The following RNF115 variants were observed in gnomAD, a reference collection of about 807,000 sequenced individuals.
RNF115 encodes the protein E3 ubiquitin-protein ligase RNF115.
Under a neutral mutation model 39.2 loss-of-function variants are expected in RNF115, and 31 were observed. The observed-to-expected ratio is 0.79, with a 90% CI of 0.59 to 1.07. RNF115 has a LOEUF of 1.07. Among genes scored for constraint, RNF115 ranks in the 50% least tolerant of loss-of-function variants. The probability of loss-of-function intolerance (pLI) is 0.00; values close to 1 mark genes in which losing one functional copy is unlikely to be tolerated. For synonymous variants in RNF115, 124 were observed against 131.0 expected (o/e 0.95, Z 0.37); for missense variants, 384 against 381.7 (o/e 1.01, Z -0.05).
chr1:145,789,591 T>C (rs1648563354), intron 1 of RNF115, among the ~76,000 whole-genome samples: 1 of 149,598 alleles, frequency 6.7e-6, no homozygotes, highest in Admixed American at 6.7e-5. Flanking sequence ...AGAGACGAGG[T>C]TTTTCCATGT....
At chr1:145,806,375 A>G (rs1369217524) in intron 1 of RNF115, among the ~76,000 whole-genome samples, 1 of 152,144 alleles carries the variant, frequency 6.6e-6, no homozygotes, top group East Asian at 1.9e-4. Flanking sequence ...AAATAAATAA[A>G]TAAATATTAA....
intron 1 of RNF115, among the ~76,000 whole-genome samples, chr1:145,800,886 T>C (rs1426710374): frequency 6.6e-6 from 1 of 152,160 alleles, no homozygotes; most frequent in Non-Finnish European, 1.5e-5. Context: ...AAAGGAGCTT[T>C]AGGACGGGCG....
chr1:145,779,070 A>G (rs1553716939), intron 3 of RNF115, among the ~76,000 whole-genome samples: 3 of 152,192 alleles, frequency 2.0e-5, no homozygotes, highest in Admixed American at 6.5e-5. Flanking sequence ...GACTCAGGTA[A>G]AGGAAGTATG....
intron 4 of RNF115, among the ~76,000 whole-genome samples, chr1:145,760,229 G>T (rs782334471): frequency 1.3e-5 from 2 of 152,076 alleles, no homozygotes; most frequent in Non-Finnish European, 2.9e-5. Context: ...GACTAGCCTG[G>T]ACAACATAAG....
intron 4 of RNF115, among the ~76,000 whole-genome samples, chr1:145,764,768 C>G (rs1553714495): frequency 6.7e-6 from 1 of 149,470 alleles, no homozygotes. Flanking sequence ...GGGCCAGCCC[C>G]CGCCCAGCCA....
At chr1:145,790,103 T>TA (rs1390229570) in intron 1 of RNF115, among the ~76,000 whole-genome samples, 2 of 152,094 alleles carry the variant, frequency 1.3e-5, no homozygotes, top group African/African-American at 4.8e-5. Flanking sequence ...AGCTGAAAGG[T>TA]AGAGTGTCAA....
intron 1 of RNF115, among the ~76,000 whole-genome samples, chr1:145,792,117 G>A (rs895953594): frequency 2.0e-5 from 3 of 151,944 alleles, no homozygotes; most frequent in African/African-American, 4.8e-5. Context: ...GTCTTGCCAC[G>A]TTGCCCTGGC....
chr1:145,796,095 C>T (rs1038152374), intron 1 of RNF115, among the ~76,000 whole-genome samples: 4 of 152,192 alleles, frequency 2.6e-5, no homozygotes, highest in Non-Finnish European at 5.9e-5. Flanking sequence ...CAAAATGATA[C>T]TCTAAAGTTA....
At chr1:145,814,696 A>G (rs1649901635) in intron 1 of RNF115, among the ~76,000 whole-genome samples, 1 of 152,048 alleles carries the variant, frequency 6.6e-6, no homozygotes, top group Non-Finnish European at 1.5e-5. Flanking sequence ...CAATTTTCAG[A>G]TTTTTTTCTT....
rs1193773833 is a variant in RNF115, at chr1:145,743,413, C to T, written c.*3453G>A. The T allele has an allele frequency of 6.6e-6, 1 of 152,290 alleles. No homozygotes were observed. Among genetic ancestry groups the T allele is most frequent in the African/African-American group, 2.4e-5 (1 of 41,430 alleles). The allele number at this position is 152,290 out of a possible 1,614,324, so 9.4% of individuals were successfully genotyped here. ...AGACTGGAACTACACCATCAGCTCT[C>T]CTGGATCTCTAGCTGGCCCACTGCA... On this transcript the variant is annotated 3_prime_UTR_variant, in exon 9 of 9. Transcript: ENST00000582693.
intron 1 of RNF115, among the ~76,000 whole-genome samples, chr1:145,814,685 TC>T (rs1478235422): frequency 6.6e-6 from 1 of 152,140 alleles, no homozygotes; most frequent in African/African-American, 2.4e-5. Flanking sequence ...TGCAGTGAGT[TC>T]AATTTTCAGA....
At chr1:145,784,391 A>C (rs1648284941) in intron 3 of RNF115, 148 bp downstream of exon 3, 2 of 696,142 alleles carry the variant, frequency 2.9e-6, no homozygotes, top group Non-Finnish European at 5.0e-6. Flanking sequence ...TGAAAACACA[A>C]ATCTTCCCAA....
At chr1:145,777,317 A>T (rs1258731036) in intron 3 of RNF115, among the ~76,000 whole-genome samples, 2 of 152,194 alleles carry the variant, frequency 1.3e-5, no homozygotes, top group African/African-American at 4.8e-5. Context: ...ACTTTAGATG[A>T]CTATAAATTG....
chr1:145,810,693 T>C (rs1481716532), intron 1 of RNF115, among the ~76,000 whole-genome samples: 1 of 147,240 alleles, frequency 6.8e-6, no homozygotes, highest in Non-Finnish European at 1.5e-5. Flanking sequence ...TGACATTCAA[T>C]TGGCAGAGGC....
intron 1 of RNF115, among the ~76,000 whole-genome samples, chr1:145,801,648 G>A (rs587612942): frequency 1.4e-3 from 208 of 152,216 alleles, no homozygotes; most frequent in African/African-American, 4.9e-3. Flanking sequence ...TCTATCCTAC[G>A]CTTACCTATT....
In RNF115 at chr1:145,823,896, C is replaced by T; in HGVS notation, c.-23G>A. 1.3e-6 allele frequency: 2 copies of T among 1,491,630 alleles called. No individual in the cohort carries two copies. Among genetic ancestry groups the T allele is most frequent in the Non-Finnish European group, 1.8e-6 (2 of 1,117,322 alleles). 92.4% of individuals were successfully genotyped at this position (1,491,630 alleles called of 1,614,324 possible). A position where few individuals can be genotyped will look rare whatever the true frequency, so the allele number is the denominator to read the frequency against. ...CATTTTTGCCCTCCGCCGCGGCCGTCCGAGAGGGCAGCCGGCCCGTCCCTC... is the reference window on the plus strand; with the variant it reads ...CATTTTTGCCCTCCGCCGCGGCCGTTCGAGAGGGCAGCCGGCCCGTCCCTC... On this transcript the variant is annotated 5_prime_UTR_variant, in exon 1 of 9. Coordinates refer to ENST00000582693, the MANE Select transcript of RNF115 (RefSeq NM_014455.4).
chr1:145,823,859 C>G lies in RNF115; in HGVS notation c.15G>C (p.Ser5=). The G allele has an allele frequency of 3.9e-6, 6 of 1,553,952 alleles. No individual in the cohort carries two copies. Among genetic ancestry groups the G allele is most frequent in the Non-Finnish European group, 5.2e-6 (6 of 1,153,870 alleles). The part of the protein sequence containing the change: MAEA[S]AAGADSGAAV... ...CGGCGCCCGAGTCCGCCCCGGCCGC[C>G]GAAGCCTCCGCCATTTTTGCCCTCC... is the stretch of plus-strand genomic sequence containing the variant. Residue 5 remains serine (S), a synonymous_variant, in exon 1 of 9, where the codon TCG becomes TCC. Coordinates refer to ENST00000582693, the MANE Select transcript of RNF115 (RefSeq NM_014455.4).
In RNF115 at chr1:145,784,644, C is replaced by A. The variant is rs369727181; in HGVS notation, c.162-48G>T. ...GTGATTCTATTCCCAGGAACAAGCT[C>A]CCCTCCCAGAAGCTAAATATAGAAT... On this transcript the variant is annotated intron_variant, in intron 2 of 8. Coordinates refer to ENST00000582693, the MANE Select transcript of RNF115 (RefSeq NM_014455.4). The A allele has an allele frequency of 2.2e-4, 336 of 1,546,426 alleles. No homozygotes were observed. In the African/African-American group the frequency reaches 4.1e-3, roughly 19 times the overall value.
intron 3 of RNF115, 134 bp downstream of exon 3, chr1:145,784,405 T>C (rs1293364836): frequency 2.6e-6 from 2 of 774,710 alleles, no homozygotes; most frequent in African/African-American, 3.5e-5. Flanking sequence ...TTCCCAAGGG[T>C]TACTACGGCC....
Sources: gnomAD v4.1 joint callset for allele counts (sites outside exome capture counted in the v4.1 genomes callset) on GRCh38, gnomAD v4.1.1 for gene constraint, MANE v1.5 for transcripts, NCBI Gene and HGNC (gene_info 2026-07-23, HGNC 2026-07-21) for gene names.